The following GALNT16 variants were observed in gnomAD, a reference collection of about 807,000 sequenced individuals.
GALNT16 encodes UDP-GalNAc:polypeptide N-acetylgalactosaminyltransferase-like protein 1.
In GALNT16, 40 loss-of-function variants were observed where a neutral mutation model predicts 76.1. The observed-to-expected ratio is 0.53, with a 90% CI of 0.41 to 0.68. The LOEUF is 0.68. GALNT16 is among the 30% of genes least tolerant of loss of function. GALNT16 has a pLI of 0.00. For missense variants in GALNT16, 621 were observed against 731.9 expected (o/e 0.85, Z 1.75); for synonymous variants, 276 against 285.2 (o/e 0.97, Z 0.32).
intron 1 of GALNT16, among the ~76,000 whole-genome samples, chr14:69,303,277 T>C (rs535591255): frequency 6.6e-6 from 1 of 152,246 alleles, no homozygotes; most frequent in East Asian, 1.9e-4. Context: ...CCAAGATAGC[T>C]AAAATGGATG....
chr14:69,342,109 A>T lies in GALNT16; in HGVS notation c.1271+345A>T, dbSNP rs1245993091. 2.6e-5 allele frequency among the ~76,000 whole-genome samples: 4 copies of T among 152,098 alleles called. No homozygotes were observed. In the East Asian group the frequency reaches 5.8e-4, roughly 22 times the overall value. On this transcript the variant is annotated intron_variant, in intron 12 of 14. Coordinates refer to ENST00000448469, the MANE Select transcript of GALNT16 (RefSeq NM_001168368.2). Reference sequence around the variant, plus strand: ...GAGTTTATCCTAAGGAAATAAAGCAACCAAAGCAGAAGCTGTTGACCAGCA... The same window carrying T: ...GAGTTTATCCTAAGGAAATAAAGCATCCAAAGCAGAAGCTGTTGACCAGCA...
At chr14:69,285,980 T>TTC (rs890929870) in intron 1 of GALNT16, among the ~76,000 whole-genome samples, 1 of 152,052 alleles carries the variant, frequency 6.6e-6, no homozygotes, top group Non-Finnish European at 1.5e-5. Flanking sequence ...AGTTTCCCAC[T>TTC]TCTCGAAAGA....
chr14:69,278,093 C>A (rs1169987442), intron 1 of GALNT16, among the ~76,000 whole-genome samples: 1 of 151,884 alleles, frequency 6.6e-6, no homozygotes. Context: ...ACTATAACCT[C>A]CAACTCCTGG....
intron 1 of GALNT16, among the ~76,000 whole-genome samples, chr14:69,312,055 AT>A (rs1341727276): frequency 5.5e-5 from 5 of 90,116 alleles, no homozygotes; most frequent in African/African-American, 1.3e-4. Flanking sequence ...AAAAAAAAAA[AT>A]CTGTCTATCT....
the GALNT16 span, among the ~76,000 whole-genome samples, chr14:69,372,278 T>C: frequency 1.3e-5 from 2 of 152,022 alleles, no homozygotes; most frequent in South Asian, 2.1e-4. Context: ...GAGTGATCCA[T>C]CCACAGGCTC....
chr14:69,334,507 G>A (rs143136121), intron 9 of GALNT16, among the ~76,000 whole-genome samples: 30 of 152,324 alleles, frequency 2.0e-4, no homozygotes, highest in Non-Finnish European at 4.4e-4. Context: ...AGGTGCAACC[G>A]ACTTGAGTGT....
the GALNT16 span, among the ~76,000 whole-genome samples, chr14:69,368,851 C>G: frequency 2.0e-5 from 3 of 152,190 alleles, no homozygotes; most frequent in Non-Finnish European, 4.4e-5. Flanking sequence ...ATGGGCATCC[C>G]TGTGGGAAAG....
chr14:69,291,783 A>G (rs1305171869), intron 1 of GALNT16, among the ~76,000 whole-genome samples: 2 of 152,198 alleles, frequency 1.3e-5, no homozygotes, highest in Non-Finnish European at 2.9e-5. Context: ...CATCTGTAAA[A>G]TGGCTACCAT....
chr14:69,275,540 C>T (rs565264069), intron 1 of GALNT16, among the ~76,000 whole-genome samples: 11 of 152,244 alleles, frequency 7.2e-5, no homozygotes, highest in East Asian at 3.9e-4. Flanking sequence ...TGTGCGCATG[C>T]GCACATATAC....
chr14:69,294,944 T>C (rs1054935814), intron 1 of GALNT16, among the ~76,000 whole-genome samples: 5 of 152,378 alleles, frequency 3.3e-5, no homozygotes, highest in Admixed American at 2.6e-4. Context: ...TTCATTTTTA[T>C]TGATGAATAA....
intron 1 of GALNT16, among the ~76,000 whole-genome samples, chr14:69,305,169 CTTT>C (rs554703143): frequency 3.1e-5 from 4 of 127,280 alleles, no homozygotes; most frequent in African/African-American, 5.8e-5. Flanking sequence ...CGACAAGTAT[CTTT>C]TTTTTTTTTT....
chr14:69,269,626 G>A (rs538793556), intron 1 of GALNT16, among the ~76,000 whole-genome samples: 1 of 150,646 alleles, frequency 6.6e-6, no homozygotes, highest in Admixed American at 6.6e-5. Flanking sequence ...TTGTGTGTGT[G>A]TGGTATGTGT....
the GALNT16 span, among the ~76,000 whole-genome samples, chr14:69,364,023 G>C: frequency 3.9e-5 from 6 of 152,172 alleles, no homozygotes; most frequent in Admixed American, 6.5e-5. The surrounding 1 kb of genome is among the most constrained non-coding windows in gnomAD (Gnocchi z 4.2). Flanking sequence ...AATGGCCTGT[G>C]CTCTTCTGTA....
At position 69,261,985 on chromosome 14, in the gene GALNT16, G is replaced by A. The variant is rs1175658101; in HGVS notation, c.177+1518G>A. Among the ~76,000 whole-genome samples the A allele has an allele frequency of 6.6e-6, 1 of 152,214 alleles. No individual in the cohort carries two copies. The highest frequency in any genetic ancestry group is 1.5e-5 in the Non-Finnish European group (1 of 68,038). On this transcript the variant is annotated intron_variant, in intron 1 of 14. Transcript: ENST00000448469. The surrounding 1 kb of genome is among the most constrained non-coding windows in gnomAD (Gnocchi z 6.4). ...AAGCCTCCTGTGCTGAGGCCCCAGA[G>A]TGTTGTGATCTGAGCAGAGGGACAG...
intron 1 of GALNT16, among the ~76,000 whole-genome samples, chr14:69,292,859 A>G (rs1431278140): frequency 1.3e-5 from 2 of 152,192 alleles, no homozygotes; most frequent in Non-Finnish European, 2.9e-5. Flanking sequence ...TAGTGTGGAG[A>G]GTCAAATCAC....
At chr14:69,285,655 G>A (rs765236063) in intron 1 of GALNT16, among the ~76,000 whole-genome samples, 13 of 152,168 alleles carry the variant, frequency 8.5e-5, no homozygotes, top group Non-Finnish European at 1.8e-4. Context: ...CTGGGGCTGT[G>A]GCAGTCGCAT....
intron 1 of GALNT16, among the ~76,000 whole-genome samples, chr14:69,272,635 C>A (rs1594811730): frequency 6.6e-6 from 1 of 152,172 alleles, no homozygotes; most frequent in African/African-American, 2.4e-5. Flanking sequence ...TAGGCCTTCC[C>A]ATTCACTCAT....
chr14:69,338,717 A>G lies in GALNT16; in HGVS notation c.1034A>G (p.His345Arg). The G allele has an allele frequency of 6.2e-7, 1 of 1,613,572 alleles. No homozygotes were observed. Among genetic ancestry groups the G allele is most frequent in the East Asian group, 2.2e-5 (1 of 44,814 alleles). ...LEIVPCSRVG[H>R]VFRKRHPYNF... The stretch of plus-strand genomic sequence containing the variant: ...ATCGTCCCCTGCAGCCGGGTGGGCC[A>G]TGTCTTCAGGAAACGGCACCCCTAC... Residue 345 changes from histidine to arginine, a missense_variant, in exon 10 of 15, where the codon CAT (histidine) becomes CGT (arginine). His to Arg is a conservative substitution (Grantham distance 29). Coordinates refer to ENST00000448469, the MANE Select transcript of GALNT16 (RefSeq NM_001168368.2).
At chr14:69,323,195 G>T (rs1054827406) in intron 2 of GALNT16, among the ~76,000 whole-genome samples, 1 of 152,154 alleles carries the variant, frequency 6.6e-6, no homozygotes, top group African/African-American at 2.4e-5. Context: ...GGAGCAAAGG[G>T]ACATAAACCA....
Sources: allele counts gnomAD v4.1 joint callset (sites outside exome capture counted in the v4.1 genomes callset), GRCh38; gene constraint gnomAD v4.1.1; non-coding constraint Gnocchi (gnomAD v3.1); transcripts MANE v1.5; gene names NCBI Gene and HGNC (gene_info 2026-07-23, HGNC 2026-07-21).